Variants in AUTS2 observed in about 807,000 individuals in gnomAD.
AUTS2 encodes the protein activator of transcription and developmental regulator AUTS2, also known as autism susceptibility gene 2 protein.
AUTS2 carries 17 observed loss-of-function variants against 112.4 expected under a neutral mutation model. The ratio of observed to expected loss-of-function variants is 0.15; its 90% CI spans 0.10 to 0.23. The LOEUF is 0.23. Ranked by LOEUF, AUTS2 falls within the 10% of genes least tolerant of loss-of-function variation. The pLI is 1.00. For synonymous variants in AUTS2, 751 were observed against 702.7 expected, an observed-to-expected ratio of 1.07 and a Z score of -1.09; for missense variants, 1,510 against 1,701.6, an observed-to-expected ratio of 0.89 and a Z score of 1.98.
chr7:70,238,706 TA>T (rs1310793113), intron 4 of AUTS2, among the ~76,000 whole-genome samples: 8 of 152,280 alleles, frequency 5.3e-5, no homozygotes, highest in African/African-American at 1.4e-4. Context: ...TATTGCATGT[TA>T]TTAGTAAATA....
At chr7:69,824,117 T>C (rs1265098307) in intron 1 of AUTS2, among the ~76,000 whole-genome samples, 1 of 151,912 alleles carries the variant, frequency 6.6e-6, no homozygotes, top group Non-Finnish European at 1.5e-5. Flanking sequence ...TTATAGCTAT[T>C]AATAAGTGTG....
chr7:70,292,810 TTGAG>T (rs2129612178), intron 4 of AUTS2: 1 of 152,306 alleles, frequency 6.6e-6, no homozygotes, highest in African/African-American at 2.4e-5. Flanking sequence ...TGGTATTCCT[TTGAG>T]TGAGTGAGCC....
chr7:69,860,593 A>G (rs959424623), intron 1 of AUTS2, among the ~76,000 whole-genome samples: 1 of 152,114 alleles, frequency 6.6e-6, no homozygotes, highest in Admixed American at 6.6e-5. Flanking sequence ...TCACTGGCCC[A>G]GTTCCTCCCC....
chr7:70,369,030 C>A (rs1792718077), intron 4 of AUTS2, among the ~76,000 whole-genome samples: 1 of 152,164 alleles, frequency 6.6e-6, no homozygotes, highest in South Asian at 2.1e-4. Flanking sequence ...GATTCAGTTT[C>A]TTAGTTCAGC....
rs530538927 is a variant in AUTS2, at chr7:70,203,143, A to G, written c.660+68572A>G. On this transcript the variant is annotated intron_variant, in intron 4 of 18. Transcript: ENST00000342771. ...CTCACTCATAGGTGGGAATTGAACA[A>G]TGAGATCACATGGACACAGGAAGGG... Among the ~76,000 whole-genome samples, 330 of 134,508 alleles carry G rather than the reference A, an allele frequency of 2.5e-3. 3 individuals carry two copies. Among genetic ancestry groups the G allele is most frequent in the African/African-American group, 9.1e-3 (319 of 35,138 alleles). The allele number at this position is 134,508 out of a possible 152,430, so 88.2% of individuals were successfully genotyped here.
At chr7:70,674,742 C>T (rs1387287447) in intron 5 of AUTS2, among the ~76,000 whole-genome samples, 1 of 152,196 alleles carries the variant, frequency 6.6e-6, no homozygotes, top group Non-Finnish European at 1.5e-5. Flanking sequence ...GATTTAAAAG[C>T]AGGCTCAAGA....
At chr7:70,188,104 C>G (rs928204089) in intron 4 of AUTS2, among the ~76,000 whole-genome samples, 1 of 152,188 alleles carries the variant, frequency 6.6e-6, no homozygotes, top group African/African-American at 2.4e-5. Context: ...CATTCATAGT[C>G]ATAATACACT....
intron 1 of AUTS2, among the ~76,000 whole-genome samples, chr7:69,639,237 C>A (rs1342825610): frequency 6.6e-6 from 1 of 152,142 alleles, no homozygotes; most frequent in Non-Finnish European, 1.5e-5. Flanking sequence ...ATAAAATGCA[C>A]CTAGAGAGTA....
At chr7:69,607,225 G>A (rs1344401548) in intron 1 of AUTS2, among the ~76,000 whole-genome samples, 1 of 152,108 alleles carries the variant, frequency 6.6e-6, no homozygotes, top group Non-Finnish European at 1.5e-5. Context: ...ATGAATTGGT[G>A]CCTTCTTTGA....
intron 4 of AUTS2, among the ~76,000 whole-genome samples, chr7:70,417,143 C>T (rs1233069356): frequency 6.6e-6 from 1 of 152,200 alleles, no homozygotes; most frequent in Non-Finnish European, 1.5e-5. Context: ...GATTTGCCAA[C>T]ACATTTCCAA....
intron 4 of AUTS2, among the ~76,000 whole-genome samples, chr7:70,360,157 TCACTCTGTCAC>T (rs1172481529): frequency 6.6e-6 from 1 of 152,138 alleles, no homozygotes; most frequent in Admixed American, 6.5e-5. Flanking sequence ...AAAAACAGTC[TCACTCTGTCAC>T]CCAGGCTGGA....
intron 4 of AUTS2, among the ~76,000 whole-genome samples, chr7:70,145,192 T>G (rs1207830768): frequency 6.6e-6 from 1 of 152,154 alleles, no homozygotes; most frequent in Admixed American, 6.6e-5. Flanking sequence ...TATCTGGAGC[T>G]TTAACAGAAA....
At chr7:70,275,874 CTG>C in intron 4 of AUTS2, among the ~76,000 whole-genome samples, 1 of 152,216 alleles carries the variant, frequency 6.6e-6, no homozygotes, top group Non-Finnish European at 1.5e-5. Flanking sequence ...CCATGCAGAA[CTG>C]TGAGTCACTT....
At chr7:70,148,766 A>G (rs1012957055) in intron 4 of AUTS2, among the ~76,000 whole-genome samples, 9 of 152,098 alleles carry the variant, frequency 5.9e-5, no homozygotes, top group African/African-American at 2.2e-4. Context: ...CAGACTTTAC[A>G]TGGCTGTGGT....
intron 1 of AUTS2, among the ~76,000 whole-genome samples, chr7:69,863,710 C>T (rs1193315132): frequency 6.6e-6 from 1 of 152,222 alleles, no homozygotes. Context: ...ACAGAATCCA[C>T]TGCTGTAGCC....
intron 2 of AUTS2, among the ~76,000 whole-genome samples, chr7:69,936,571 G>C (rs765980322): frequency 6.6e-6 from 1 of 152,082 alleles, no homozygotes; most frequent in Non-Finnish European, 1.5e-5. Flanking sequence ...GGATGGTCTC[G>C]ATCTCCTGAC....
chr7:70,638,072 T>C (rs974178779), intron 5 of AUTS2, among the ~76,000 whole-genome samples: 2 of 152,122 alleles, frequency 1.3e-5, no homozygotes, highest in African/African-American at 4.8e-5. Context: ...GTCTCCTGAG[T>C]GCCCTGGCAG....
intron 5 of AUTS2, among the ~76,000 whole-genome samples, chr7:70,449,573 C>T (rs537238736): frequency 1.3e-4 from 20 of 152,272 alleles, no homozygotes; most frequent in African/African-American, 4.8e-4. Flanking sequence ...CCTAATCTTC[C>T]TGCCATTTGG....
intron 4 of AUTS2, chr7:70,291,349 A>G (rs555100152): frequency 6.6e-6 from 1 of 152,168 alleles, no homozygotes; most frequent in Non-Finnish European, 1.5e-5. Flanking sequence ...TAAAATAGGA[A>G]TAACAGTAAG....
Sources: gnomAD v4.1 joint callset for allele counts (sites outside exome capture counted in the v4.1 genomes callset) on GRCh38, gnomAD v4.1.1 for gene constraint, MANE v1.5 for transcripts, NCBI Gene and HGNC (gene_info 2026-07-23, HGNC 2026-07-21) for gene names.